The following FHDC1 variants were observed in gnomAD, a reference collection of about 807,000 sequenced individuals.
The protein encoded by FHDC1 is FH2 domain-containing protein 1.
FHDC1 carries 25 observed loss-of-function variants against 52.6 expected under a neutral mutation model. The ratio of observed to expected loss-of-function variants is 0.48; its 90% CI spans 0.35 to 0.66. The LOEUF (loss-of-function observed/expected upper bound fraction) is 0.66, where lower values mean the gene tolerates loss of function less well. Among genes scored for constraint, FHDC1 ranks in the 30% least tolerant of loss-of-function variants. FHDC1 has a pLI of 0.01. For missense variants in FHDC1, 1,459 were observed against 1,452.8 expected (o/e 1.00, Z -0.07); for synonymous variants, 616 against 581.5 (o/e 1.06, Z -0.85).
At chr4:152,955,305 G>A (rs1317011814) in intron 4 of FHDC1, among the ~76,000 whole-genome samples, 1 of 151,874 alleles carries the variant, frequency 6.6e-6, no homozygotes, top group African/African-American at 2.4e-5. Flanking sequence ...ATGGTTAGGA[G>A]CTTGATAGAA....
intron 6 of FHDC1, 68 bp from the exon 7 acceptor site, chr4:152,962,746 G>T: frequency 7.7e-7 from 1 of 1,297,116 alleles, no homozygotes; most frequent in Non-Finnish European, 1.1e-6. Context: ...CTTGGATGTG[G>T]TAGCTGTCTT....
rs1329218868 is a variant in FHDC1, at chr4:152,977,236, A to C, written c.*513A>C. The C allele has an allele frequency of 6.6e-6, 1 of 152,210 alleles. No homozygotes were observed. Among genetic ancestry groups the C allele is most frequent in the Non-Finnish European group, 1.5e-5 (1 of 68,082 alleles). The allele number at this position is 152,210 out of a possible 1,614,324, so 9.4% of individuals were successfully genotyped here. Reference sequence around the variant, plus strand: ...GAGAAACCCCGTCTCTATCAGAAATACAAAATTTAGCCGAGTGTGGTGGCA... The same window carrying C: ...GAGAAACCCCGTCTCTATCAGAAATCCAAAATTTAGCCGAGTGTGGTGGCA... On this transcript the variant is annotated 3_prime_UTR_variant, in exon 12 of 12. Transcript: ENST00000511601.
At chr4:152,972,967 T>C (rs1341769930) in intron 11 of FHDC1, among the ~76,000 whole-genome samples, 1 of 152,178 alleles carries the variant, frequency 6.6e-6, no homozygotes, top group Non-Finnish European at 1.5e-5. Flanking sequence ...CGGCCCTCCC[T>C]TTCCCTTCTT....
At chr4:152,954,375 AT>A in intron 4 of FHDC1, 56 bp downstream of exon 4, 2 of 1,450,152 alleles carry the variant, frequency 1.4e-6, no homozygotes, top group Non-Finnish European at 1.9e-6. Context: ...AAAGCTTAAT[AT>A]TTTTAAGTGT....
chr4:152,933,522 C>T (rs2149929765), upstream of FHDC1, among the ~76,000 whole-genome samples: 1 of 152,066 alleles, frequency 6.6e-6, no homozygotes, highest in Non-Finnish European at 1.5e-5. Context: ...ATCACAAGGT[C>T]AGGAGATTGA....
intron 1 of FHDC1, among the ~76,000 whole-genome samples, chr4:152,939,976 T>C (rs555071071): frequency 6.6e-6 from 1 of 152,342 alleles, no homozygotes; most frequent in South Asian, 2.1e-4. Context: ...GCCAATGTGG[T>C]CTGTTAGGGC....
intron 9 of FHDC1, among the ~76,000 whole-genome samples, chr4:152,965,493 A>C (rs1238396415): frequency 6.6e-6 from 1 of 152,240 alleles, no homozygotes; most frequent in Admixed American, 6.5e-5. Context: ...ATAAGGCTCT[A>C]ATTACATCAC....
At chr4:152,922,640 A>G in the FHDC1 span, among the ~76,000 whole-genome samples, 1 of 152,190 alleles carries the variant, frequency 6.6e-6, no homozygotes, top group African/African-American at 2.4e-5. Context: ...CCAGCAGCAC[A>G]TCAAAAAGCT....
At chr4:152,921,275 A>G in the FHDC1 span, among the ~76,000 whole-genome samples, 1 of 151,966 alleles carries the variant, frequency 6.6e-6, no homozygotes, top group Admixed American at 6.6e-5. Context: ...TTCCTATAAT[A>G]TATATTTTTA....
chr4:152,962,951 G>GTA, intron 7 of FHDC1, 67 bp downstream of exon 7: 9 of 1,192,168 alleles, frequency 7.5e-6, no homozygotes, highest in Non-Finnish European at 1.1e-5. Flanking sequence ...GTGTGTGTGT[G>GTA]TGTGTGTGTG....
At chr4:152,948,357 C>A (rs77326924) in intron 2 of FHDC1, among the ~76,000 whole-genome samples, 4,090 of 152,262 alleles carry the variant, frequency 0.027, 96 homozygotes, top group South Asian at 0.11. Flanking sequence ...CTGTATGATT[C>A]CCTCATAGGA....
At chr4:152,938,013 C>T (rs947587724) in intron 1 of FHDC1, among the ~76,000 whole-genome samples, 1 of 152,154 alleles carries the variant, frequency 6.6e-6, no homozygotes, top group African/African-American at 2.4e-5. Flanking sequence ...TCCCAGGACC[C>T]CCCAGGCCGA....
chr4:152,927,676 C>T, the FHDC1 span: 2 of 1,575,204 alleles, frequency 1.3e-6, no homozygotes, highest in Non-Finnish European at 1.7e-6. Context: ...AATTCAAAAA[C>T]ATGGTAAGAG....
chr4:152,976,720 G>A lies in FHDC1; in HGVS notation c.3429G>A (p.Lys1143=), dbSNP rs562354935. The A allele has an allele frequency of 5.9e-5, 87 of 1,475,890 alleles. No individual in the cohort carries two copies. The African/African-American group carries it at 9.9e-4, about 17-fold the overall frequency. The allele number at this position is 1,475,890 out of a possible 1,614,324, so 91.4% of individuals were successfully genotyped here. The change falls in exon 12 of 12, where the codon AAG becomes AAA. Residue 1143 remains lysine (K), a synonymous_variant. Coordinates refer to ENST00000511601, the MANE Select transcript of FHDC1 (RefSeq NM_001371116.1). ...GGAGAATCCTCAATCCCTTACGGAAGTGATGGGTGCCTGTCCTCTCCTGCC... is the reference window on the plus strand; with the variant it reads ...GGAGAATCCTCAATCCCTTACGGAAATGATGGGTGCCTGTCCTCTCCTGCC... ...TLGRILNPLR[K]
At chr4:152,934,586 C>G (rs1196649983), upstream of FHDC1, among the ~76,000 whole-genome samples, 1 of 152,122 alleles carries the variant, frequency 6.6e-6, no homozygotes, top group East Asian at 1.9e-4. Context: ...TCAGGTCCCA[C>G]GACATCTGGA....
chr4:152,924,722 A>G, the FHDC1 span, among the ~76,000 whole-genome samples: 1 of 152,170 alleles, frequency 6.6e-6, no homozygotes. Context: ...GACATGGATG[A>G]AATTGGAAAT....
chr4:152,974,135 G>A (rs1740760804), intron 11 of FHDC1, among the ~76,000 whole-genome samples: 1 of 152,230 alleles, frequency 6.6e-6, no homozygotes, highest in Non-Finnish European at 1.5e-5. Context: ...CTGTTAAGTA[G>A]AATGTGCTAC....
upstream of FHDC1, among the ~76,000 whole-genome samples, chr4:152,935,337 G>A (rs544220086): frequency 6.6e-6 from 1 of 152,136 alleles, no homozygotes; most frequent in Non-Finnish European, 1.5e-5. Flanking sequence ...CAAAGGTAGC[G>A]ATGACTTCAT....
chr4:152,916,147 AAAAATT>A, the FHDC1 span, among the ~76,000 whole-genome samples: 1 of 152,114 alleles, frequency 6.6e-6, no homozygotes, highest in Admixed American at 6.6e-5. Context: ...AAAAGAAAAA[AAAAATT>A]AGTAATACTG....
Sources: allele counts gnomAD v4.1 joint callset (sites outside exome capture counted in the v4.1 genomes callset), GRCh38; gene constraint gnomAD v4.1.1; transcripts MANE v1.5; gene names NCBI Gene and HGNC (gene_info 2026-07-23, HGNC 2026-07-21).